The following TPST1 variants were observed in gnomAD, a reference collection of about 807,000 sequenced individuals.
TPST1 encodes tyrosylprotein sulfotransferase 1, also known as protein-tyrosine sulfotransferase 1.
A neutral mutation model predicts 34.8 loss-of-function variants in TPST1; 20 were observed. The ratio of observed to expected loss-of-function variants is 0.57; its 90% CI spans 0.40 to 0.84. The LOEUF (loss-of-function observed/expected upper bound fraction) is 0.84. Ranked by LOEUF, TPST1 falls within the 40% of genes least tolerant of loss-of-function variation. The pLI is 0.00. For missense variants in TPST1, 353 were observed against 455.5 expected (o/e 0.78, Z 2.05); for synonymous variants, 152 against 159.4 (o/e 0.95, Z 0.35).
chr7:66,297,729 C>G (rs899303428), intron 3 of TPST1, among the ~76,000 whole-genome samples: 2 of 152,152 alleles, frequency 1.3e-5, no homozygotes, highest in African/African-American at 2.4e-5. Context: ...ATCCCTAAAC[C>G]AAACAACAAA....
chr7:66,258,677 C>T lies in TPST1; in HGVS notation c.845+17407C>T, dbSNP rs184916318. Among the ~76,000 whole-genome samples the T allele has an allele frequency of 1.9e-3, 291 of 152,272 alleles. 1 individual carries two copies. The highest frequency in any genetic ancestry group is 8.3e-3 in the South Asian group (40 of 4,826). Reference sequence around the variant, plus strand: ...TTTCTTTCAGAGCTTTAGCTGCCTGCGATGCGTTTCTGTATGGCTGGTGCC... The same window carrying T: ...TTTCTTTCAGAGCTTTAGCTGCCTGTGATGCGTTTCTGTATGGCTGGTGCC... On this transcript the variant is annotated intron_variant, in intron 2 of 5. Transcript: ENST00000304842.
At chr7:66,338,387 GGGAA>G in intron 3 of TPST1, among the ~76,000 whole-genome samples, 1 of 152,050 alleles carries the variant, frequency 6.6e-6, no homozygotes, top group Non-Finnish European at 1.5e-5. Flanking sequence ...AGTAATACTA[GGGAA>G]CATCCACACT....
At chr7:66,351,141 C>A (rs1470018630) in intron 3 of TPST1, among the ~76,000 whole-genome samples, 2 of 152,132 alleles carry the variant, frequency 1.3e-5, no homozygotes, top group African/African-American at 4.8e-5. Context: ...TTTCTAAGAT[C>A]ATTGATTTGT....
chr7:66,244,243 G>A (rs1790103597), intron 2 of TPST1, among the ~76,000 whole-genome samples: 1 of 152,068 alleles, frequency 6.6e-6, no homozygotes, highest in Non-Finnish European at 1.5e-5. Flanking sequence ...GTGAGCCACC[G>A]CGCCTGGCCG....
chr7:66,357,856 T>G (rs990590679), intron 5 of TPST1, among the ~76,000 whole-genome samples: 2 of 151,946 alleles, frequency 1.3e-5, no homozygotes, highest in South Asian at 4.2e-4. Flanking sequence ...GAGGCCAAGG[T>G]GGGCAGATCA....
intron 3 of TPST1, among the ~76,000 whole-genome samples, chr7:66,343,327 C>T (rs569104177): frequency 7.9e-5 from 12 of 152,164 alleles, no homozygotes; most frequent in Admixed American, 5.2e-4. Context: ...CTACATGTTC[C>T]GAACTCATAA....
intron 1 of TPST1, among the ~76,000 whole-genome samples, chr7:66,231,694 C>T (rs1013566637): frequency 6.6e-6 from 1 of 152,376 alleles, no homozygotes; most frequent in Middle Eastern, 3.4e-3. Context: ...GCACCACGGG[C>T]AGCACTGGTT....
At chr7:66,242,925 G>A (rs1238407958) in intron 2 of TPST1, among the ~76,000 whole-genome samples, 1 of 152,152 alleles carries the variant, frequency 6.6e-6, no homozygotes, top group Non-Finnish European at 1.5e-5. Flanking sequence ...TATGTGGAAT[G>A]GAGGCCCTGT....
chr7:66,245,358 A>G (rs1790125013), intron 2 of TPST1, among the ~76,000 whole-genome samples: 1 of 152,186 alleles, frequency 6.6e-6, no homozygotes. Flanking sequence ...ATGGAAAATT[A>G]CTACGAGGAA....
intron 1 of TPST1, among the ~76,000 whole-genome samples, chr7:66,206,829 G>T (rs1789140447): frequency 6.6e-6 from 1 of 152,134 alleles, no homozygotes; most frequent in African/African-American, 2.4e-5. Flanking sequence ...GAGGAATCAG[G>T]ATTTGGATTT....
At chr7:66,229,060 G>C (rs1220080504) in intron 1 of TPST1, among the ~76,000 whole-genome samples, 1 of 151,708 alleles carries the variant, frequency 6.6e-6, no homozygotes, top group African/African-American at 2.4e-5. Flanking sequence ...GGCATCCACT[G>C]ATCTATAGTT....
upstream of TPST1, among the ~76,000 whole-genome samples, chr7:66,203,864 T>G (rs141973697): frequency 1.3e-5 from 2 of 152,056 alleles, no homozygotes; most frequent in Admixed American, 6.6e-5. Context: ...TGTCCATCAA[T>G]GGATTAATGG....
Position 66,350,943 on chromosome 7 carries a change from G to A in TPST1, c.1045-1562G>A, listed in dbSNP as rs368024458. Among the ~76,000 whole-genome samples the A allele has an allele frequency of 3.3e-5, 5 of 152,108 alleles. 1 individual carries two copies. Among genetic ancestry groups the A allele is most frequent in the Non-Finnish European group, 1.5e-5 (1 of 67,996 alleles). The stretch of plus-strand genomic sequence containing the variant: ...TGACTTAATTCATTTATTGAATTTT[G>A]TTGTAGTATATCACACATACAGTAT... On this transcript the variant is annotated intron_variant, in intron 3 of 5. Coordinates refer to ENST00000304842, the MANE Select transcript of TPST1 (RefSeq NM_003596.4).
intron 3 of TPST1, among the ~76,000 whole-genome samples, chr7:66,327,111 T>C (rs1322815961): frequency 6.6e-6 from 1 of 152,202 alleles, no homozygotes; most frequent in African/African-American, 2.4e-5. Flanking sequence ...GCTGGAGTTA[T>C]TTGTTTTCTC....
chr7:66,310,480 T>C (rs1791507587), intron 3 of TPST1, among the ~76,000 whole-genome samples: 1 of 152,186 alleles, frequency 6.6e-6, no homozygotes, highest in Non-Finnish European at 1.5e-5. Context: ...TCAGTTATTC[T>C]ATTACCGTGT....
chr7:66,210,384 T>G (rs1319494697), intron 1 of TPST1, among the ~76,000 whole-genome samples: 1 of 152,202 alleles, frequency 6.6e-6, no homozygotes, highest in Non-Finnish European at 1.5e-5. Context: ...GGGTCTGTGC[T>G]AGAATTGAAA....
At position 66,241,244 on chromosome 7, in the gene TPST1, G is replaced by T. The variant is rs202247746; in HGVS notation, c.819G>T (p.Gly273=). ...HSVLHHEEMI[G]KAGGVSLSKV... ...TATTGCACCATGAAGAGATGATTGG[G>T]AAAGCTGGGGGAGTGTCTCTGTCAA... The change falls in exon 2 of 6, where the codon GGG becomes GGT. Residue 273 remains glycine, a synonymous_variant. Transcript: ENST00000304842. 1.6e-5 allele frequency: 26 copies of T among 1,609,958 alleles called. No homozygotes were observed. In the East Asian group the frequency reaches 5.6e-4, roughly 35 times the overall value.
chr7:66,202,740 C>T (rs1335785555), upstream of TPST1, among the ~76,000 whole-genome samples: 1 of 152,146 alleles, frequency 6.6e-6, no homozygotes, highest in African/African-American at 2.4e-5. Context: ...GTCAGAAGTT[C>T]GAGACTAGCT....
chr7:66,316,053 T>A (rs1163916541), intron 3 of TPST1, among the ~76,000 whole-genome samples: 1 of 150,726 alleles, frequency 6.6e-6, no homozygotes, highest in African/African-American at 2.4e-5. Context: ...GAGGTTGCGG[T>A]GAGCCAAATT....
Sources: allele counts gnomAD v4.1 joint callset (sites outside exome capture counted in the v4.1 genomes callset), GRCh38; gene constraint gnomAD v4.1.1; transcripts MANE v1.5; gene names NCBI Gene and HGNC (gene_info 2026-07-23, HGNC 2026-07-21).